NRK: variants seen among roughly 807,000 people sequenced by gnomAD.
The protein encoded by NRK is nik-related protein kinase.
A neutral mutation model predicts 125.2 loss-of-function variants in NRK; 67 were observed. The observed-to-expected ratio is 0.54, with a 90% CI of 0.44 to 0.66. The LOEUF (loss-of-function observed/expected upper bound fraction) is 0.66. NRK is among the 30% of genes least tolerant of loss of function. The probability of loss-of-function intolerance (pLI) is 0.00; values close to 1 mark genes in which losing one functional copy is unlikely to be tolerated. For missense variants in NRK, 1,224 were observed against 1,192.9 expected (o/e 1.03, Z -0.38); for synonymous variants, 458 against 429.0 (o/e 1.07, Z -0.84).
chrX:105,934,207 C>G, intron 19 of NRK, 51 bp from the exon 20 acceptor site: 1 of 792,162 alleles, frequency 1.3e-6, no homozygotes, highest in Non-Finnish European at 1.8e-6. Context: ...CATATTTCTC[C>G]CACTGTTAAC....
intron 1 of NRK, among the ~76,000 whole-genome samples, chrX:105,830,052 G>T (rs930934690): frequency 9.1e-6 from 1 of 109,449 alleles, no homozygotes; most frequent in Non-Finnish European, 1.9e-5. Context: ...TCACTCAAAA[G>T]AATAACATCG....
At position 105,921,280 on chromosome X, in the gene NRK, A is replaced by G. The variant is rs376523341; in HGVS notation, c.2513-684A>G. On this transcript the variant is annotated intron_variant, in intron 16 of 28. Transcript: ENST00000243300. Reference sequence around the variant, plus strand: ...CTCACTCATAGGTGGGAATTGAACAATGAGATCACATGGACACAGGAAGGG... The same window carrying G: ...CTCACTCATAGGTGGGAATTGAACAGTGAGATCACATGGACACAGGAAGGG... Among the ~76,000 whole-genome samples, 22 of 100,015 alleles carry G rather than the reference A, an allele frequency of 2.2e-4. No homozygotes were observed. The East Asian group carries it at 2.3e-3, about 10-fold the overall frequency. 86.9% of individuals were successfully genotyped at this position (100,015 alleles called of 115,157 possible).
chrX:105,898,742 A>C lies in NRK; in HGVS notation c.711+28A>C, dbSNP rs774144391. 11 of 1,093,198 alleles carry C rather than the reference A, an allele frequency of 1.0e-5. No homozygotes were observed. The African/African-American group carries it at 2.1e-4, about 21-fold the overall frequency. The allele number at this position is 1,093,198 out of a possible 1,213,427, so 90.1% of individuals were successfully genotyped here. A position where few individuals can be genotyped will look rare whatever the true frequency, so the allele number is the denominator to read the frequency against. ...GAGTGTGAGAATTCAGCCAGTGGAA[A>C]TTACAATTTGGAAAGGATTTTTGAT... On this transcript the variant is annotated intron_variant, in intron 8 of 28. Coordinates refer to ENST00000243300, the MANE Select transcript of NRK (RefSeq NM_198465.4).
rs756041302 is a variant in NRK at position 105,896,550 on chromosome X, T to C, written c.580+1027T>C. Among the ~76,000 whole-genome samples, 4 of 111,646 alleles carry C rather than the reference T, an allele frequency of 3.6e-5. No individual in the cohort carries two copies. In the South Asian group the frequency reaches 1.5e-3, roughly 42 times the overall value. On this transcript the variant is annotated intron_variant, in intron 7 of 28. Coordinates refer to ENST00000243300, the MANE Select transcript of NRK (RefSeq NM_198465.4). ...GCTAGAAACACAATTTTAAAATACA[T>C]AAGGAGAGGCCAGGTGCAGTAGCTC...
chrX:105,847,671 G>A (rs1040332641), intron 2 of NRK, among the ~76,000 whole-genome samples: 6 of 112,202 alleles, frequency 5.3e-5, no homozygotes, highest in African/African-American at 1.6e-4. Context: ...TGACCAGGAA[G>A]GTATCAGTTT....
rs1446576788 is a variant in NRK, at chrX:105,956,788, A to T, written c.*1188A>T. ...TGCTAGTCCATCACCCAAATATGTT[A>T]TAGACGCCATAGACAGGTGATGTTT... On this transcript the variant is annotated 3_prime_UTR_variant, in exon 29 of 29. Transcript: ENST00000243300. 1 of 111,905 alleles carries T rather than the reference A, an allele frequency of 8.9e-6. No homozygotes were observed. The highest frequency in any genetic ancestry group is 3.3e-5 in the African/African-American group (1 of 30,748). The allele number at this position is 111,905 out of a possible 1,213,427, so 9.2% of individuals were successfully genotyped here.
At chrX:105,882,692 A>G (rs1356053736) in intron 4 of NRK, among the ~76,000 whole-genome samples, 2 of 111,098 alleles carry the variant, frequency 1.8e-5, no homozygotes, top group Non-Finnish European at 3.8e-5. Context: ...TTCTAGTTAT[A>G]TTAGAAAGAT....
chrX:105,938,415 T>A (rs2040693439), intron 22 of NRK, among the ~76,000 whole-genome samples: 1 of 112,223 alleles, frequency 8.9e-6, no homozygotes, highest in South Asian at 3.7e-4. Context: ...GCTTTACATT[T>A]TGGTTAGAGG....
intron 2 of NRK, among the ~76,000 whole-genome samples, chrX:105,866,463 C>T (rs927905488): frequency 9.0e-6 from 1 of 110,651 alleles, no homozygotes; most frequent in Non-Finnish European, 1.9e-5. Context: ...TTTTCCAGCA[C>T]GTAAGGGACA....
chrX:105,939,934 A>G lies in NRK; in HGVS notation c.3860A>G (p.Asn1287Ser). The G allele has an allele frequency of 8.4e-7, 1 of 1,190,131 alleles. No individual in the cohort carries two copies. Among genetic ancestry groups the G allele is most frequent in the Non-Finnish European group, 1.1e-6 (1 of 878,197 alleles). The change falls in exon 23 of 29, where the codon AAT becomes AGT. Residue 1287 changes from asparagine (N) to serine (S), a missense_variant. Transcript: ENST00000243300. ...LTWLRNKILNNDPESKRRQEE... is the reference protein window; with the variant it reads ...LTWLRNKILNSDPESKRRQEE... The stretch of plus-strand genomic sequence containing the variant: ...TGGTTGAGGAACAAGATTTTGAATA[A>G]TGATCCAGAAAGTAAAAGAAGGCAA...
intron 23 of NRK, among the ~76,000 whole-genome samples, 180 bp from the exon 24 acceptor site, chrX:105,943,761 A>C (rs2040776756): frequency 8.9e-6 from 1 of 112,277 alleles, no homozygotes; most frequent in African/African-American, 3.2e-5. Context: ...ATACTCCATA[A>C]AACTATACAG....
Position 105,916,930 on chromosome X carries a change from C to T in NRK, c.2418-648C>T, listed in dbSNP as rs184658836. ...AACTTAAATGAAACTCAAATCTTTC[C>T]GGAAATTTGGGGCCATGGAAAAAAG... is the stretch of plus-strand genomic sequence containing the variant. On this transcript the variant is annotated intron_variant, in intron 15 of 28. Coordinates refer to ENST00000243300, the MANE Select transcript of NRK (RefSeq NM_198465.4). Among the ~76,000 whole-genome samples, 10 of 111,254 alleles carry T rather than the reference C, an allele frequency of 9.0e-5. No individual in the cohort carries two copies. The East Asian group carries it at 2.0e-3, about 22-fold the overall frequency.
chrX:105,896,079 T>A, intron 7 of NRK, among the ~76,000 whole-genome samples: 1 of 111,959 alleles, frequency 8.9e-6, no homozygotes. Flanking sequence ...TGGAAGTACC[T>A]AGCTTTCTAT....
intron 1 of NRK, among the ~76,000 whole-genome samples, chrX:105,823,236 C>T (rs1350983645): frequency 8.9e-6 from 1 of 112,350 alleles, no homozygotes; most frequent in Non-Finnish European, 1.9e-5. Context: ...TCCTAGCCCG[C>T]TCGTTCCAAC....
intron 16 of NRK, among the ~76,000 whole-genome samples, chrX:105,920,163 T>G (rs1372078789): frequency 2.9e-5 from 3 of 103,469 alleles, no homozygotes; most frequent in Admixed American, 1.1e-4. Context: ...CCTTTCCCCA[T>G]TGCTTGTTTT....
At chrX:105,840,165 A>G (rs1220045392) in intron 2 of NRK, among the ~76,000 whole-genome samples, 1 of 111,749 alleles carries the variant, frequency 8.9e-6, no homozygotes, top group African/African-American at 3.2e-5. Context: ...TTATTATGTT[A>G]TACCAAAATT....
chrX:105,844,068 TG>T (rs761428630), intron 2 of NRK, among the ~76,000 whole-genome samples: 2 of 108,175 alleles, frequency 1.8e-5, no homozygotes, highest in Non-Finnish European at 3.8e-5. Context: ...TCTGTGTGTG[TG>T]GGTGCTTTTT....
At chrX:105,919,002 G>GAAA (rs57376881) in intron 16 of NRK, among the ~76,000 whole-genome samples, 9 of 39,464 alleles carry the variant, frequency 2.3e-4, no homozygotes, top group African/African-American at 7.2e-4. Flanking sequence ...ATGGTTTCCT[G>GAAA]AAAAAAAAAA....
At chrX:105,928,063 C>T (rs1422326912) in intron 19 of NRK, among the ~76,000 whole-genome samples, 1 of 111,182 alleles carries the variant, frequency 9.0e-6, no homozygotes, top group African/African-American at 3.3e-5. Flanking sequence ...GTTTGAGAAT[C>T]GACATTAGTT....
Sources: gnomAD v4.1 joint callset for allele counts (sites outside exome capture counted in the v4.1 genomes callset) on GRCh38, gnomAD v4.1.1 for gene constraint, MANE v1.5 for transcripts, NCBI Gene and HGNC (gene_info 2026-07-23, HGNC 2026-07-21) for gene names.